DPYD: variants seen among roughly 807,000 people sequenced by gnomAD.
DPYD encodes the protein dihydropyrimidine dehydrogenase.
In DPYD, 109 loss-of-function variants were observed where a neutral mutation model predicts 116.2. The observed-to-expected ratio is 0.94, with a 90% CI of 0.80 to 1.10. DPYD has a LOEUF of 1.10. DPYD is among the 50% of genes least tolerant of loss of function. The probability of loss-of-function intolerance (pLI) is 0.00; values close to 1 mark genes in which losing one functional copy is unlikely to be tolerated. For missense variants in DPYD, 1,302 were observed against 1,254.5 expected, an observed-to-expected ratio of 1.04 and a Z score of -0.57; for synonymous variants, 440 against 432.0, an observed-to-expected ratio of 1.02 and a Z score of -0.23.
At chr1:97,286,894 T>A (rs1373251000) in intron 18 of DPYD, among the ~76,000 whole-genome samples, 3 of 152,222 alleles carry the variant, frequency 2.0e-5, no homozygotes, top group Non-Finnish European at 4.4e-5. Flanking sequence ...AGTAGTTTGA[T>A]CGTCTGAAGC....
intron 1 of DPYD, among the ~76,000 whole-genome samples, chr1:97,897,271 T>C (rs1424784387): frequency 6.6e-6 from 1 of 151,934 alleles, no homozygotes; most frequent in Non-Finnish European, 1.5e-5. Context: ...TTGCTTTATC[T>C]TTGTTCTTCT....
chr1:97,812,300 A>G (rs1238108028), intron 3 of DPYD, among the ~76,000 whole-genome samples: 1 of 152,164 alleles, frequency 6.6e-6, no homozygotes, highest in African/African-American at 2.4e-5. Context: ...GACAGGCCTC[A>G]TAAATTAACT....
intron 16 of DPYD, among the ~76,000 whole-genome samples, chr1:97,307,698 G>C (rs1171419056): frequency 1.2e-4 from 18 of 151,908 alleles, no homozygotes; most frequent in Admixed American, 1.2e-3. Flanking sequence ...ACAGGGCATA[G>C]TGTGCATTAT....
intron 2 of DPYD, among the ~76,000 whole-genome samples, chr1:97,849,246 G>C (rs952107218): frequency 6.6e-6 from 1 of 151,690 alleles, no homozygotes. Flanking sequence ...TAAAAATATA[G>C]ACATATAGAA....
rs1478165733 is a variant in DPYD at position 97,393,884 on chromosome 1, T to C, written c.1906-11423A>G. ...ACTGCCACACTGTCTTCCACAATGG[T>C]TGAATTAGTTTACAGTCCCACCAAC... On this transcript the variant is annotated intron_variant, in intron 14 of 22. Transcript: ENST00000370192. 1.6e-4 allele frequency among the ~76,000 whole-genome samples: 25 copies of C among 152,146 alleles called. 1 individual carries two copies. The highest frequency in any genetic ancestry group is 2.9e-4 in the Non-Finnish European group (20 of 68,022).
chr1:97,855,816 G>A (rs1670812247), intron 2 of DPYD: 1 of 152,190 alleles, frequency 6.6e-6, no homozygotes, highest in African/African-American at 2.4e-5. Context: ...GCTGAAGAGT[G>A]GAAAAGGGAA....
chr1:97,525,908 G>A (rs1435429657), intron 12 of DPYD, among the ~76,000 whole-genome samples: 1 of 150,056 alleles, frequency 6.7e-6, no homozygotes, highest in Non-Finnish European at 1.5e-5. Flanking sequence ...GTGTGTGTGT[G>A]TGTGTTTTAG....
intron 8 of DPYD, among the ~76,000 whole-genome samples, chr1:97,611,028 T>C (rs948374872): frequency 2.0e-5 from 3 of 151,992 alleles, no homozygotes; most frequent in African/African-American, 4.8e-5. Flanking sequence ...CAAACATACA[T>C]ATGATAATAG....
chr1:97,578,674 C>T (rs932996701), intron 10 of DPYD, among the ~76,000 whole-genome samples: 1 of 152,094 alleles, frequency 6.6e-6, no homozygotes, highest in African/African-American at 2.4e-5. Flanking sequence ...GTTGCTGAAC[C>T]TCAAACAAAG....
chr1:97,878,930 T>C (rs1275071745), intron 2 of DPYD, among the ~76,000 whole-genome samples: 1 of 151,980 alleles, frequency 6.6e-6, no homozygotes, highest in Non-Finnish European at 1.5e-5. Flanking sequence ...ACTGAGATTG[T>C]GAAGCTCATG....
intron 20 of DPYD, among the ~76,000 whole-genome samples, chr1:97,169,094 C>T (rs969069684): frequency 4.6e-5 from 7 of 152,050 alleles, no homozygotes; most frequent in African/African-American, 1.7e-4. Context: ...GTGATCCACC[C>T]ACCTCAGCCT....
chr1:97,845,476 C>T (rs1435024847), intron 2 of DPYD, among the ~76,000 whole-genome samples: 2 of 152,108 alleles, frequency 1.3e-5, no homozygotes, highest in African/African-American at 2.4e-5. Flanking sequence ...GCTGGACACT[C>T]ATTAGGACGA....
chr1:97,788,902 C>G (rs1294558098), intron 3 of DPYD, among the ~76,000 whole-genome samples: 1 of 152,150 alleles, frequency 6.6e-6, no homozygotes, highest in East Asian at 1.9e-4. Context: ...CTCCCAGGTT[C>G]AAGTCATCGT....
intron 4 of DPYD, among the ~76,000 whole-genome samples, chr1:97,731,531 C>T (rs980993863): frequency 6.6e-6 from 1 of 151,948 alleles, no homozygotes; most frequent in African/African-American, 2.4e-5. Context: ...AATGTTCCAG[C>T]CTTTTATATT....
intron 20 of DPYD, among the ~76,000 whole-genome samples, chr1:97,129,953 A>G (rs1205158822): frequency 1.3e-5 from 2 of 152,220 alleles, no homozygotes; most frequent in East Asian, 1.9e-4. Flanking sequence ...CTCCTGGTCC[A>G]TACCCTGACA....
chr1:97,709,268 G>A (rs1662152902), intron 5 of DPYD, among the ~76,000 whole-genome samples: 1 of 151,844 alleles, frequency 6.6e-6, no homozygotes, highest in Non-Finnish European at 1.5e-5. Flanking sequence ...TCAGTGATAT[G>A]CTTAAACAAA....
intron 7 of DPYD, among the ~76,000 whole-genome samples, chr1:97,689,602 C>T (rs1266489871): frequency 6.6e-6 from 1 of 151,922 alleles, no homozygotes; most frequent in East Asian, 1.9e-4. Flanking sequence ...ACAGTATGAA[C>T]CCACAAAAAT....
chr1:97,189,808 T>C (rs1658236919), intron 20 of DPYD, among the ~76,000 whole-genome samples: 1 of 152,090 alleles, frequency 6.6e-6, no homozygotes, highest in African/African-American at 2.4e-5. Flanking sequence ...ACACTCCCTC[T>C]CCAGCCCCAG....
At chr1:97,763,402 T>A (rs1481422659) in intron 3 of DPYD, among the ~76,000 whole-genome samples, 1 of 151,924 alleles carries the variant, frequency 6.6e-6, no homozygotes, top group Admixed American at 6.6e-5. Flanking sequence ...CTTCTTAAAT[T>A]ATTGTTACCT....
Sources: gnomAD v4.1 joint callset for allele counts (sites outside exome capture counted in the v4.1 genomes callset) on GRCh38, gnomAD v4.1.1 for gene constraint, MANE v1.5 for transcripts, NCBI Gene and HGNC (gene_info 2026-07-23, HGNC 2026-07-21) for gene names.